RORA: variants seen among roughly 807,000 people sequenced by gnomAD.
The protein encoded by RORA is RAR related orphan receptor A, also known as nuclear receptor ROR-alpha.
In RORA, 7 loss-of-function variants were observed where a neutral mutation model predicts 69.5. The ratio of observed to expected loss-of-function variants is 0.10; its 90% CI spans 0.06 to 0.19. The LOEUF (loss-of-function observed/expected upper bound fraction) is 0.19, where lower values mean the gene tolerates loss of function less well. Among genes scored for constraint, RORA ranks in the 10% least tolerant of loss-of-function variants. The probability of loss-of-function intolerance (pLI) is 1.00; values close to 1 mark genes in which losing one functional copy is unlikely to be tolerated. For missense variants in RORA, 457 were observed against 663.0 expected, an observed-to-expected ratio of 0.69 and a Z score of 3.41; for synonymous variants, 261 against 240.8, an observed-to-expected ratio of 1.08 and a Z score of -0.78.
chr15:61,130,535 GAT>G lies in RORA; in HGVS notation c.166+98516_166+98517del, dbSNP rs556740080. 1.1e-3 allele frequency among the ~76,000 whole-genome samples: 168 copies of G among 152,310 alleles called. 1 individual carries two copies. Among genetic ancestry groups the G allele is most frequent in the African/African-American group, 3.9e-3 (164 of 41,562 alleles). ...GTCTGCTTAGAATTCAGAATTTATA[GAT>G]ATGAGTTCAAACTGTGTTTCGCCAT... is the stretch of plus-strand genomic sequence containing the variant. On this transcript the variant is annotated intron_variant, in intron 1 of 10. Transcript: ENST00000335670.
chr15:60,828,318 T>A (rs1242111637), intron 1 of RORA, among the ~76,000 whole-genome samples: 1 of 152,164 alleles, frequency 6.6e-6, no homozygotes, highest in African/African-American at 2.4e-5. Context: ...AAGGTGGCCC[T>A]GCCAATCTAG....
intron 1 of RORA, among the ~76,000 whole-genome samples, chr15:60,708,097 A>G (rs2071089405): frequency 6.6e-6 from 1 of 152,018 alleles, no homozygotes; most frequent in Admixed American, 6.6e-5. Context: ...CAGGATAGAG[A>G]GCTTATCTGT....
At chr15:60,665,582 T>A (rs775433783) in intron 2 of RORA, among the ~76,000 whole-genome samples, 1 of 152,236 alleles carries the variant, frequency 6.6e-6, no homozygotes, top group Non-Finnish European at 1.5e-5. Context: ...TCAAAATGCA[T>A]ATGGTAAATT....
intron 2 of RORA, among the ~76,000 whole-genome samples, chr15:60,621,769 C>T (rs758560432): frequency 3.0e-4 from 45 of 151,890 alleles, no homozygotes; most frequent in Non-Finnish European, 4.7e-4. Context: ...GGGTGGGGGC[C>T]GGGCGCAGTA....
chr15:60,938,065 G>A (rs572054283), intron 1 of RORA, among the ~76,000 whole-genome samples: 118 of 152,280 alleles, frequency 7.7e-4, no homozygotes, highest in Non-Finnish European at 1.5e-3. Flanking sequence ...AGGTTTTTAG[G>A]TTCAAGATAG....
Position 60,993,644 on chromosome 15 carries a change from C to CAAAAAAAAAAAAAAAAAAAAAAAAAAAA in RORA, c.166+235408_166+235409insTTTTTTTTTTTTTTTTTTTTTTTTTTTT, listed in dbSNP as rs3053932. On this transcript the variant is annotated intron_variant, in intron 1 of 10. Transcript: ENST00000335670. ...GGTGACAGAGCAAGACTCTCCATCT[C>CAAAAAAAAAAAAAAAAAAAAAAAAAAAA]AAAAAAAAAAAAAAAAAAAAAAGAC... Among the ~76,000 whole-genome samples, 2 of 83,076 alleles carry CAAAAAAAAAAAAAAAAAAAAAAAAAAAA rather than the reference C, an allele frequency of 2.4e-5. 1 individual carries two copies. The highest frequency in any genetic ancestry group is 4.4e-5 in the Non-Finnish European group (2 of 45,770). 54.5% of individuals were successfully genotyped at this position (83,076 alleles called of 152,430 possible).
intron 1 of RORA, among the ~76,000 whole-genome samples, chr15:60,902,293 T>TA (rs397936827): frequency 0.015 from 2,269 of 151,368 alleles, 28 homozygotes; most frequent in African/African-American, 0.037. Flanking sequence ...TTTTTTTTTT[T>TA]AAAAAACAGA....
chr15:60,619,040 G>C (rs115445089), intron 2 of RORA, among the ~76,000 whole-genome samples: 2,213 of 152,314 alleles, frequency 0.015, 67 homozygotes, highest in African/African-American at 0.051. Flanking sequence ...TGTACAAAAG[G>C]TTAAAACTTG....
intron 1 of RORA, among the ~76,000 whole-genome samples, chr15:61,186,446 G>C (rs886748603): frequency 6.6e-6 from 1 of 151,902 alleles, no homozygotes; most frequent in African/African-American, 2.4e-5. Context: ...TTCGAGACCA[G>C]CCTGGCTAAC....
chr15:60,702,589 C>T (rs1327363272), intron 1 of RORA, among the ~76,000 whole-genome samples: 1 of 152,164 alleles, frequency 6.6e-6, no homozygotes, highest in Non-Finnish European at 1.5e-5. Flanking sequence ...GGAATGAACT[C>T]CTTCAAGGGT....
intron 1 of RORA, among the ~76,000 whole-genome samples, chr15:60,907,590 C>T (rs967296320): frequency 1.3e-5 from 2 of 152,160 alleles, no homozygotes; most frequent in African/African-American, 4.8e-5. Flanking sequence ...TTTAACACAG[C>T]AATACTTTCT....
At chr15:61,222,058 A>G (rs2080102680) in intron 1 of RORA, among the ~76,000 whole-genome samples, 1 of 152,182 alleles carries the variant, frequency 6.6e-6, no homozygotes, top group South Asian at 2.1e-4. Context: ...AATCCTCTGT[A>G]CCATAATATT....
intron 2 of RORA, among the ~76,000 whole-genome samples, chr15:60,581,332 A>G (rs1325168490): frequency 2.0e-5 from 3 of 152,236 alleles, no homozygotes. Flanking sequence ...TAGTGGAAAC[A>G]AAATGCTTCT....
At chr15:60,593,661 A>C (rs2068602741) in intron 2 of RORA, among the ~76,000 whole-genome samples, 1 of 152,212 alleles carries the variant, frequency 6.6e-6, no homozygotes. Context: ...ACCGAGCATA[A>C]CAGAAAAAAA....
intron 1 of RORA, among the ~76,000 whole-genome samples, chr15:61,060,790 A>C (rs1425206023): frequency 6.6e-6 from 1 of 152,182 alleles, no homozygotes; most frequent in African/African-American, 2.4e-5. Context: ...CACTGGAAGA[A>C]GAATTGTCTT....
chr15:60,892,038 G>A (rs1401430822), intron 1 of RORA, among the ~76,000 whole-genome samples: 1 of 152,170 alleles, frequency 6.6e-6, no homozygotes, highest in Non-Finnish European at 1.5e-5. Context: ...GTTTGGGGCA[G>A]GCGCTGTGTT....
intron 1 of RORA, among the ~76,000 whole-genome samples, chr15:60,913,264 G>A (rs998715953): frequency 3.9e-5 from 6 of 152,084 alleles, no homozygotes; most frequent in African/African-American, 1.4e-4. Flanking sequence ...GGAAATCCCT[G>A]CCATGTCCAT....
intron 1 of RORA, among the ~76,000 whole-genome samples, chr15:60,971,641 T>C (rs1017522294): frequency 6.6e-6 from 1 of 152,222 alleles, no homozygotes; most frequent in African/African-American, 2.4e-5. Context: ...CCTTTCTGTT[T>C]ATAGCCACCA....
intron 1 of RORA, among the ~76,000 whole-genome samples, chr15:61,130,139 T>C (rs935752735): frequency 6.6e-6 from 1 of 152,264 alleles, no homozygotes. Flanking sequence ...GAGTGCCTAA[T>C]GAATATCTTT....
Sources: allele counts gnomAD v4.1 joint callset (sites outside exome capture counted in the v4.1 genomes callset), GRCh38; gene constraint gnomAD v4.1.1; transcripts MANE v1.5; gene names NCBI Gene and HGNC (gene_info 2026-07-23, HGNC 2026-07-21).